CDH18: variants seen among roughly 807,000 people sequenced by gnomAD.
CDH18 encodes the protein cadherin 18, also known as cadherin-18.
CDH18 carries 31 observed loss-of-function variants against 67.9 expected under a neutral mutation model. That is an observed-to-expected ratio of 0.46 (90% CI 0.34 to 0.62). The LOEUF is 0.62. CDH18 is among the 20% of genes least tolerant of loss of function. CDH18 has a pLI of 0.01. For synonymous variants in CDH18, 362 were observed against 347.2 expected (o/e 1.04, Z -0.48); for missense variants, 890 against 975.5 (o/e 0.91, Z 1.17).
chr5:19,627,064 A>G (rs1031404059), intron 5 of CDH18, among the ~76,000 whole-genome samples: 1 of 152,196 alleles, frequency 6.6e-6, no homozygotes, highest in African/African-American at 2.4e-5. Flanking sequence ...TGGTGTAAAT[A>G]TTATAGAACA....
chr5:20,395,404 G>A (rs921686299), intron 1 of CDH18, among the ~76,000 whole-genome samples: 3 of 152,060 alleles, frequency 2.0e-5, no homozygotes, highest in Non-Finnish European at 2.9e-5. Context: ...GTACTCAAAG[G>A]CCTGCAGAGT....
At chr5:19,966,823 A>G (rs1211282392) in intron 2 of CDH18, among the ~76,000 whole-genome samples, 2 of 152,064 alleles carry the variant, frequency 1.3e-5, no homozygotes, top group Non-Finnish European at 2.9e-5. Flanking sequence ...TTTTAAAGTC[A>G]TTTCAGAGTA....
At chr5:20,110,715 T>C (rs921351037) in intron 2 of CDH18, among the ~76,000 whole-genome samples, 7 of 152,182 alleles carry the variant, frequency 4.6e-5, no homozygotes, top group Non-Finnish European at 7.3e-5. Flanking sequence ...CCCTTAGTGA[T>C]TGGATTTGAA....
chr5:19,473,761 G>A, intron 12 of CDH18, 45 bp from the exon 13 acceptor site: 2 of 1,456,706 alleles, frequency 1.4e-6, no homozygotes, highest in Non-Finnish European at 1.9e-6. Context: ...AAAACAGGAA[G>A]GAAATTCTTA....
intron 1 of CDH18, among the ~76,000 whole-genome samples, chr5:20,464,589 G>A (rs561310195): frequency 6.6e-6 from 1 of 152,222 alleles, no homozygotes; most frequent in East Asian, 1.9e-4. Context: ...CATTTACAGA[G>A]CAGAGAAGAG....
chr5:20,234,302 G>A (rs948588306), intron 2 of CDH18, among the ~76,000 whole-genome samples: 1 of 151,992 alleles, frequency 6.6e-6, no homozygotes, highest in African/African-American at 2.4e-5. Flanking sequence ...TACCTCCTGT[G>A]GCATTCCTAC....
chr5:19,476,405 T>G (rs1738474121), intron 12 of CDH18, among the ~76,000 whole-genome samples: 1 of 152,120 alleles, frequency 6.6e-6, no homozygotes, highest in African/African-American at 2.4e-5. Flanking sequence ...ACGTTGCCTA[T>G]ATGTCAAAGA....
intron 9 of CDH18, among the ~76,000 whole-genome samples, chr5:19,536,237 T>G (rs1749402773): frequency 6.6e-6 from 1 of 152,186 alleles, no homozygotes; most frequent in Non-Finnish European, 1.5e-5. Flanking sequence ...ACTTAATGCA[T>G]GCAGAACATT....
chr5:19,590,376 A>C (rs1488333905), intron 7 of CDH18, among the ~76,000 whole-genome samples: 1 of 152,104 alleles, frequency 6.6e-6, no homozygotes, highest in Non-Finnish European at 1.5e-5. Context: ...CAGACAAGTT[A>C]ATTTTCAATT....
chr5:19,953,474 T>C (rs565366064), intron 2 of CDH18, among the ~76,000 whole-genome samples: 3 of 152,032 alleles, frequency 2.0e-5, no homozygotes, highest in Non-Finnish European at 4.4e-5. Context: ...CTGATATATT[T>C]TTATTATTAT....
intron 1 of CDH18, among the ~76,000 whole-genome samples, chr5:20,385,200 T>G (rs982846054): frequency 1.3e-5 from 2 of 152,206 alleles, no homozygotes; most frequent in South Asian, 4.1e-4. Context: ...TTGCATTTAA[T>G]CGAGAAATCC....
In CDH18 at chr5:20,095,432, AAAGAAAGAAAGAAAAG is replaced by A. The variant is rs1286041012; in HGVS notation, c.-517-103434_-517-103419del. Among the ~76,000 whole-genome samples, 7 of 143,362 alleles carry A rather than the reference AAAGAAAGAAAGAAAAG, an allele frequency of 4.9e-5. No homozygotes were observed. In the East Asian group the frequency reaches 1.5e-3, roughly 30 times the overall value. 94.1% of individuals were successfully genotyped at this position (143,362 alleles called of 152,430 possible). A position where few individuals can be genotyped will look rare whatever the true frequency, so the allele number is the denominator to read the frequency against. On this transcript the variant is annotated intron_variant, in intron 2 of 14. Coordinates refer to the CDH18 transcript ENST00000507958. ...GAAAGAAAGAAAGAAAGAAAGAAAG[AAAGAAAGAAAGAAAAG>A]AAAGAAAGAAAGAAGAAAGAAGGAA... is the stretch of plus-strand genomic sequence containing the variant.
At chr5:19,848,850 T>C (rs768101401) in intron 2 of CDH18, among the ~76,000 whole-genome samples, 5 of 150,046 alleles carry the variant, frequency 3.3e-5, no homozygotes, top group South Asian at 2.1e-4. Context: ...TAAAATGCTA[T>C]ATATAGCATT....
chr5:20,438,098 T>G (rs1332169082), intron 1 of CDH18, among the ~76,000 whole-genome samples: 1 of 151,300 alleles, frequency 6.6e-6, no homozygotes, highest in Non-Finnish European at 1.5e-5. Context: ...TATCAACATC[T>G]TCCTGTTAGC....
chr5:20,161,449 C>T (rs909421679), intron 2 of CDH18, among the ~76,000 whole-genome samples: 5 of 152,208 alleles, frequency 3.3e-5, no homozygotes, highest in Middle Eastern at 3.4e-3. Flanking sequence ...ACTGAACAAG[C>T]CAGGAAAAAT....
At chr5:19,895,357 T>C (rs1229977437) in intron 2 of CDH18, among the ~76,000 whole-genome samples, 1 of 152,146 alleles carries the variant, frequency 6.6e-6, no homozygotes, top group Non-Finnish European at 1.5e-5. Flanking sequence ...TTTTTATAAA[T>C]GAGTGGTTTT....
At chr5:20,236,666 A>G (rs1259201099) in intron 2 of CDH18, among the ~76,000 whole-genome samples, 1 of 152,076 alleles carries the variant, frequency 6.6e-6, no homozygotes, top group Non-Finnish European at 1.5e-5. Flanking sequence ...TTAACGTCCC[A>G]ATATCTATTA....
At chr5:19,539,021 T>G (rs1361990278) in intron 9 of CDH18, among the ~76,000 whole-genome samples, 1 of 152,168 alleles carries the variant, frequency 6.6e-6, no homozygotes, top group Non-Finnish European at 1.5e-5. Flanking sequence ...AGGTTAAGGT[T>G]GACAAACAAT....
intron 5 of CDH18, among the ~76,000 whole-genome samples, chr5:19,647,527 C>CAAAAAAAAAAAAAAAAAAAA (rs3062888): frequency 6.9e-5 from 2 of 28,800 alleles, no homozygotes; most frequent in African/African-American, 2.7e-4. Context: ...GAGACTCCAT[C>CAAAAAAAAAAAAAAAAAAAA]AAAAAAAAAA....
Sources: allele counts gnomAD v4.1 joint callset (sites outside exome capture counted in the v4.1 genomes callset), GRCh38; gene constraint gnomAD v4.1.1; transcripts MANE v1.5; gene names NCBI Gene and HGNC (gene_info 2026-07-23, HGNC 2026-07-21).